Variants in FMN1 observed in about 807,000 individuals in gnomAD.
The protein encoded by FMN1 is formin 1, also known as formin-1.
In FMN1, 110 loss-of-function variants were observed where a neutral mutation model predicts 132.4. The ratio of observed to expected loss-of-function variants is 0.83; its 90% CI spans 0.71 to 0.97. The LOEUF (loss-of-function observed/expected upper bound fraction) is 0.97. FMN1 is among the 50% of genes least tolerant of loss of function. The pLI is 0.00. For synonymous variants in FMN1, 722 were observed against 651.7 expected (o/e 1.11, Z -1.64); for missense variants, 1,792 against 1,705.3 (o/e 1.05, Z -0.90).
chr15:32,857,126 A>G lies in FMN1; in HGVS notation c.3836-19T>C. The G allele has an allele frequency of 6.3e-7, 1 of 1,589,682 alleles. No homozygotes were observed. Among genetic ancestry groups the G allele is most frequent in the Non-Finnish European group, 8.6e-7 (1 of 1,157,828 alleles). ...TCACTTGCTGTGAAGAGAAATTTAG[A>G]ATTAGACTTAGGAACACAGATTTGC... On this transcript the variant is annotated intron_variant, in intron 16 of 20. Coordinates refer to ENST00000616417, the MANE Select transcript of FMN1 (RefSeq NM_001277313.2).
chr15:33,067,061 G>C (rs1595392966), intron 5 of FMN1: 2 of 1,613,976 alleles, frequency 1.2e-6, no homozygotes, highest in Non-Finnish European at 8.5e-7. Flanking sequence ...ACTGAAAAAA[G>C]CTGGAAGTTG....
chr15:33,002,370 C>T (rs906520701), intron 7 of FMN1, among the ~76,000 whole-genome samples: 1 of 152,190 alleles, frequency 6.6e-6, no homozygotes, highest in Non-Finnish European at 1.5e-5. Flanking sequence ...TCCACTAGGT[C>T]TGTGACAAAA....
At chr15:32,836,321 C>CTGTGT (rs1242201652) in intron 17 of FMN1, among the ~76,000 whole-genome samples, 3 of 152,208 alleles carry the variant, frequency 2.0e-5, no homozygotes, top group Admixed American at 6.5e-5. Context: ...ACAAAGCCAA[C>CTGTGT]TGCATGGCGG....
intron 3 of FMN1, among the ~76,000 whole-genome samples, chr15:33,167,782 A>T (rs892898250): frequency 2.0e-5 from 3 of 152,218 alleles, no homozygotes; most frequent in Non-Finnish European, 4.4e-5. Context: ...AGAAAATCAC[A>T]AGGAAGGGAA....
chr15:33,087,778 T>C (rs2038752353), intron 5 of FMN1, among the ~76,000 whole-genome samples: 1 of 151,320 alleles, frequency 6.6e-6, no homozygotes, highest in Non-Finnish European at 1.5e-5. Flanking sequence ...AGTGGATAAA[T>C]AAAATGTGGT....
intron 5 of FMN1, among the ~76,000 whole-genome samples, chr15:33,085,150 T>G (rs543200849): frequency 6.6e-6 from 1 of 152,190 alleles, no homozygotes; most frequent in African/African-American, 2.4e-5. Context: ...ACAGGTGCTG[T>G]TTGGTTACAT....
intron 12 of FMN1, among the ~76,000 whole-genome samples, chr15:32,906,913 C>T (rs2060439318): frequency 6.6e-6 from 1 of 152,146 alleles, no homozygotes. Flanking sequence ...GAGAGCAAGT[C>T]ATCCAAGGTT....
intron 7 of FMN1, among the ~76,000 whole-genome samples, chr15:32,981,009 G>C (rs925066709): frequency 6.6e-6 from 1 of 151,370 alleles, no homozygotes; most frequent in Non-Finnish European, 1.5e-5. Flanking sequence ...GTGAAACTGT[G>C]TCTCAAAAAA....
chr15:32,885,842 G>A (rs1181228696), intron 16 of FMN1, among the ~76,000 whole-genome samples: 1 of 151,440 alleles, frequency 6.6e-6, no homozygotes, highest in Non-Finnish European at 1.5e-5. Context: ...CCTGCCTGGA[G>A]ATCTAGGGCC....
At chr15:32,954,427 G>C (rs1427076764) in intron 9 of FMN1, among the ~76,000 whole-genome samples, 1 of 152,156 alleles carries the variant, frequency 6.6e-6, no homozygotes, top group African/African-American at 2.4e-5. Flanking sequence ...CAGATCTTGA[G>C]TGTCTTCATC....
chr15:32,806,036 TACC>T (rs2057668311), intron 17 of FMN1, among the ~76,000 whole-genome samples: 2 of 152,174 alleles, frequency 1.3e-5, no homozygotes, highest in African/African-American at 4.8e-5. Flanking sequence ...TATATGAAAA[TACC>T]ACTCTCACAC....
At chr15:32,933,675 TC>T (rs1411087597) in intron 9 of FMN1, among the ~76,000 whole-genome samples, 1 of 152,204 alleles carries the variant, frequency 6.6e-6, no homozygotes, top group African/African-American at 2.4e-5. Context: ...TGTTATATCT[TC>T]CTGGTGAATT....
intron 6 of FMN1, among the ~76,000 whole-genome samples, chr15:33,015,390 G>A (rs935729820): frequency 6.6e-6 from 1 of 152,210 alleles, no homozygotes; most frequent in African/African-American, 2.4e-5. Context: ...GCACCGACAA[G>A]TTCTGTGATT....
chr15:32,940,228 T>C (rs1247808792), intron 9 of FMN1, among the ~76,000 whole-genome samples: 1 of 152,154 alleles, frequency 6.6e-6, no homozygotes, highest in African/African-American at 2.4e-5. Context: ...CATCATGATG[T>C]AGTAAACCAG....
intron 7 of FMN1, among the ~76,000 whole-genome samples, chr15:33,006,711 A>C (rs1436961514): frequency 7.9e-5 from 12 of 152,224 alleles, no homozygotes; most frequent in Non-Finnish European, 1.6e-4. Flanking sequence ...TAGTCTTTAA[A>C]AAGAAAAAAA....
intron 6 of FMN1, among the ~76,000 whole-genome samples, chr15:33,057,870 G>T (rs185289760): frequency 6.6e-6 from 1 of 152,128 alleles, no homozygotes; most frequent in Non-Finnish European, 1.5e-5. Flanking sequence ...TTCCCATCTG[G>T]TTTCTATGGA....
chr15:33,045,382 A>G (rs1005050558), intron 6 of FMN1, among the ~76,000 whole-genome samples: 1 of 152,356 alleles, frequency 6.6e-6, no homozygotes, highest in South Asian at 2.1e-4. Context: ...CCTGCAGTCC[A>G]GAGCAAAACT....
intron 4 of FMN1, among the ~76,000 whole-genome samples, chr15:33,114,582 C>T (rs1339671100): frequency 2.0e-5 from 3 of 152,148 alleles, no homozygotes; most frequent in Non-Finnish European, 1.5e-5. Context: ...CACGCAAACG[C>T]GAGTCTCTCC....
intron 19 of FMN1, among the ~76,000 whole-genome samples, chr15:32,779,278 G>A (rs1403548776): frequency 6.8e-6 from 1 of 148,070 alleles, no homozygotes; most frequent in African/African-American, 2.5e-5. Flanking sequence ...TAATGTGTAT[G>A]GAATTGTACA....
Sources: allele counts gnomAD v4.1 joint callset (sites outside exome capture counted in the v4.1 genomes callset), GRCh38; gene constraint gnomAD v4.1.1; transcripts MANE v1.5; gene names NCBI Gene and HGNC (gene_info 2026-07-23, HGNC 2026-07-21).